Variants in FNIP1 observed in about 807,000 individuals in gnomAD.
The protein encoded by FNIP1 is folliculin-interacting protein 1.
In FNIP1, 40 loss-of-function variants were observed where a neutral mutation model predicts 124.5. The ratio of observed to expected loss-of-function variants is 0.32; its 90% CI spans 0.25 to 0.42. The LOEUF is 0.42. FNIP1 is among the 10% of genes least tolerant of loss of function. FNIP1 has a pLI of 1.00. For missense variants in FNIP1, 1,176 were observed against 1,403.7 expected, an observed-to-expected ratio of 0.84 and a Z score of 2.59; for synonymous variants, 472 against 470.6, an observed-to-expected ratio of 1.00 and a Z score of -0.04.
intron 3 of FNIP1, 77 bp downstream of exon 3, chr5:131,730,827 T>C: frequency 8.4e-7 from 1 of 1,193,940 alleles, no homozygotes; most frequent in Non-Finnish European, 1.2e-6. Flanking sequence ...ATTGCTATTA[T>C]ATCTCCACAG....
chr5:131,661,220 T>G (rs10066812), intron 15 of FNIP1, among the ~76,000 whole-genome samples: 6,021 of 147,402 alleles, frequency 0.041, 334 homozygotes, highest in African/African-American at 0.12. Flanking sequence ...TGTCTTTGTT[T>G]TGTGTGTGTG....
At chr5:131,693,064 T>C (rs901391398) in intron 11 of FNIP1, among the ~76,000 whole-genome samples, 1 of 150,888 alleles carries the variant, frequency 6.6e-6, no homozygotes, top group South Asian at 2.1e-4. Context: ...TTACACATCA[T>C]GGCAACTACA....
chr5:131,796,511 A>G (rs1293186454), intron 1 of FNIP1: 9 of 377,608 alleles, frequency 2.4e-5, no homozygotes, highest in African/African-American at 4.3e-5. Flanking sequence ...GGTGCCAGGA[A>G]GGCGTGTGGA....
Position 131,671,924 on chromosome 5 carries a change from A to T in FNIP1, c.2520T>A (p.Asn840Lys). 6 of 1,614,216 alleles carry T rather than the reference A, an allele frequency of 3.7e-6. No individual in the cohort carries two copies. The highest frequency in any genetic ancestry group is 5.1e-6 in the Non-Finnish European group (6 of 1,180,040). The change falls in exon 14 of 18, where the codon AAT (asparagine) becomes AAA (lysine). Residue 840 changes from asparagine (N) to lysine (K), a missense_variant. Asn to Lys is a moderately conservative substitution (Grantham distance 94, BLOSUM62 0). Around this residue, in one of 2 missense-constraint regions of FNIP1, gnomAD observed 1,109 missense variants for 1,288.5 expected, o/e 0.86. Transcript: ENST00000510461. ...ESMSLFDEYF[N>K]DDSIETRTID... ...TAGTCCTGGTTTCGATTGAATCATC[A>T]TTAAAATATTCGTCGAATAAGCTCA...
intron 3 of FNIP1, among the ~76,000 whole-genome samples, chr5:131,721,759 T>C (rs1404243401): frequency 2.0e-5 from 3 of 152,274 alleles, no homozygotes; most frequent in East Asian, 1.9e-4. Context: ...GATCACGCCA[T>C]TGCACTCCAG....
At chr5:131,747,273 C>G (rs1296569631) in intron 1 of FNIP1, among the ~76,000 whole-genome samples, 1 of 152,220 alleles carries the variant, frequency 6.6e-6, no homozygotes. Context: ...AACCCTAACT[C>G]TGTCAACGTA....
At position 131,684,151 on chromosome 5, in the gene FNIP1, T is replaced by C. The variant is rs79353876; in HGVS notation, c.1203-4976A>G. Among the ~76,000 whole-genome samples the C allele has an allele frequency of 9.9e-5, 15 of 152,220 alleles. No individual in the cohort carries two copies. In the East Asian group the frequency reaches 2.9e-3, roughly 29 times the overall value. On this transcript the variant is annotated intron_variant, in intron 11 of 17. Coordinates refer to ENST00000510461, the MANE Select transcript of FNIP1 (RefSeq NM_133372.3). Reference sequence around the variant, plus strand: ...CAAAAAGCAGAAAAATGCAAAAAAATTGGCACTAAATAAATGTCAAAAAAG... The same window carrying C: ...CAAAAAGCAGAAAAATGCAAAAAAACTGGCACTAAATAAATGTCAAAAAAG...
intron 1 of FNIP1, among the ~76,000 whole-genome samples, chr5:131,768,390 A>G (rs1771510232): frequency 6.6e-6 from 1 of 152,186 alleles, no homozygotes; most frequent in Non-Finnish European, 1.5e-5. Context: ...AACTACAGCA[A>G]AACACTGGAA....
At chr5:131,703,829 TACC>T (rs1241642796) in intron 10 of FNIP1, among the ~76,000 whole-genome samples, 1 of 152,220 alleles carries the variant, frequency 6.6e-6, no homozygotes, top group Non-Finnish European at 1.5e-5. Flanking sequence ...GAACGGTGTC[TACC>T]ACATTTTAGT....
At chr5:131,706,677 A>G (rs1031722366) in intron 8 of FNIP1, 131 bp from the exon 9 acceptor site, 1 of 906,930 alleles carries the variant, frequency 1.1e-6, no homozygotes, top group Non-Finnish European at 1.6e-6. Flanking sequence ...AATGTTCATT[A>G]AAAGAACACA....
chr5:131,670,474 G>C lies in FNIP1; in HGVS notation c.3097C>G (p.His1033Asp). 1 of 1,609,100 alleles carries C rather than the reference G, an allele frequency of 6.2e-7. No homozygotes were observed. The highest frequency in any genetic ancestry group is 8.5e-7 in the Non-Finnish European group (1 of 1,178,434). Reference protein sequence around the residue: ...FRQCLMSDLSHAVQHPVLDEP... With the variant: ...FRQCLMSDLSDAVQHPVLDEP... ...TGAAGGTCACTCACCTGCACAGCAT[G>C]AGATAAATCTGACATCAGACACTGA... Residue 1033 changes from histidine (H) to aspartate (D), a missense_variant, in exon 15 of 18, where the codon CAT becomes GAT. This residue lies in a region of FNIP1 where 1,109 missense variants were observed against 1,288.5 expected (regional missense o/e 0.86). Coordinates refer to ENST00000510461, the MANE Select transcript of FNIP1 (RefSeq NM_133372.3).
At chr5:131,775,366 A>G (rs1368502991) in intron 1 of FNIP1, among the ~76,000 whole-genome samples, 1 of 152,078 alleles carries the variant, frequency 6.6e-6, no homozygotes, top group Non-Finnish European at 1.5e-5. Context: ...TTATCAGTAT[A>G]TATTTACTGA....
chr5:131,657,192 C>T (rs1015532008), intron 15 of FNIP1, among the ~76,000 whole-genome samples: 12 of 151,868 alleles, frequency 7.9e-5, no homozygotes, highest in Admixed American at 2.6e-4. Context: ...TTAGTAGAGA[C>T]GGGTTTTCAC....
intron 13 of FNIP1, among the ~76,000 whole-genome samples, chr5:131,675,621 G>T (rs1767887236): frequency 6.6e-6 from 1 of 152,088 alleles, no homozygotes; most frequent in Admixed American, 6.6e-5. Flanking sequence ...AGTATATACT[G>T]CATGATTCCA....
At chr5:131,686,482 G>A (rs1768275012) in intron 11 of FNIP1, among the ~76,000 whole-genome samples, 1 of 152,120 alleles carries the variant, frequency 6.6e-6, no homozygotes, top group African/African-American at 2.4e-5. Flanking sequence ...AAGTAGCTGG[G>A]ACTACAGGTG....
intron 1 of FNIP1, among the ~76,000 whole-genome samples, chr5:131,748,375 G>A (rs1385920549): frequency 6.6e-6 from 1 of 152,070 alleles, no homozygotes; most frequent in East Asian, 1.9e-4. Context: ...ATACAATTAT[G>A]TAAAATACGC....
intron 10 of FNIP1, among the ~76,000 whole-genome samples, chr5:131,699,989 C>T (rs1365970686): frequency 4.8e-5 from 6 of 124,528 alleles, no homozygotes; most frequent in Non-Finnish European, 1.0e-4. Context: ...GTAATATTTG[C>T]TTTTTTTTTT....
intron 3 of FNIP1, among the ~76,000 whole-genome samples, chr5:131,722,150 A>T (rs1769687762): frequency 1.3e-5 from 2 of 152,144 alleles, no homozygotes; most frequent in African/African-American, 4.8e-5. Flanking sequence ...TGCATTTGAC[A>T]CAGGCCTGGT....
intron 1 of FNIP1, among the ~76,000 whole-genome samples, chr5:131,765,282 A>T (rs915230237): frequency 1.3e-5 from 2 of 152,158 alleles, no homozygotes; most frequent in African/African-American, 4.8e-5. Context: ...TGTTTGAGGG[A>T]GAAACACCTT....
Sources: allele counts gnomAD v4.1 joint callset (sites outside exome capture counted in the v4.1 genomes callset), GRCh38; gene constraint gnomAD v4.1.1; regional missense constraint gnomAD v4.1.1; transcripts MANE v1.5; gene names NCBI Gene and HGNC (gene_info 2026-07-23, HGNC 2026-07-21).